Variants in SLC22A11 observed in about 807,000 individuals in gnomAD.
The protein encoded by SLC22A11 is solute carrier family 22 member 11.
SLC22A11 carries 42 observed loss-of-function variants against 49.4 expected under a neutral mutation model. The ratio of observed to expected loss-of-function variants is 0.85; its 90% CI spans 0.66 to 1.10. The LOEUF (loss-of-function observed/expected upper bound fraction) is 1.10, where lower values mean the gene tolerates loss of function less well. Among genes scored for constraint, SLC22A11 ranks in the 50% least tolerant of loss-of-function variants. The pLI, the probability that SLC22A11 is intolerant of heterozygous loss-of-function variation, is 0.00. For missense variants in SLC22A11, 685 were observed against 731.6 expected (o/e 0.94, Z 0.74); for synonymous variants, 304 against 315.8 (o/e 0.96, Z 0.40).
chr11:64,556,544 G>C, intron 1 of SLC22A11, 152 bp downstream of exon 1: 3 of 1,289,248 alleles, frequency 2.3e-6, no homozygotes, highest in Non-Finnish European at 3.2e-6. Context: ...GGGAGTGGGC[G>C]GCAGGGATCA....
In SLC22A11 at chr11:64,562,071, T is replaced by G; in HGVS notation, c.565T>G (p.Phe189Val). Residue 189 changes from phenylalanine to valine, a missense_variant, in exon 3 of 10, where the codon TTC becomes GTC. Transcript: ENST00000301891. This position sits in a 1 kb window ranked among gnomAD's most constrained non-coding sequence, Gnocchi z 4.4. The stretch of plus-strand genomic sequence containing the variant: ...GGCCGTGGCGGGCACCAGCACCATC[T>G]TCGCCCCAACATTCGTCATCTACTG... ...QLAVAGTSTI[F>V]APTFVIYCGL... 2 of 1,613,892 alleles carry G rather than the reference T, an allele frequency of 1.2e-6. No individual in the cohort carries two copies. The highest frequency in any genetic ancestry group is 1.7e-6 in the Non-Finnish European group (2 of 1,180,034).
chr11:64,566,086 G>T (rs1252418050), intron 6 of SLC22A11: 1 of 160,954 alleles, frequency 6.2e-6, no homozygotes, highest in Non-Finnish European at 1.4e-5. Context: ...GAGCCCAGGA[G>T]TTCAAGACCA....
chr11:64,569,908 A>G, intron 9 of SLC22A11, 50 bp downstream of exon 9: 1 of 1,588,186 alleles, frequency 6.3e-7, no homozygotes, highest in Non-Finnish European at 8.6e-7. Flanking sequence ...CTCCTGGGCC[A>G]AGATGGAGAC....
At chr11:64,559,309 C>A in intron 2 of SLC22A11, 71 bp downstream of exon 2, 1 of 1,214,708 alleles carries the variant, frequency 8.2e-7, no homozygotes, top group Non-Finnish European at 1.1e-6. Context: ...GCAGAAGGTT[C>A]AGAAATGTCA....
At chr11:64,563,219 C>T (rs1056746165) in intron 4 of SLC22A11, among the ~76,000 whole-genome samples, 2 of 152,138 alleles carry the variant, frequency 1.3e-5, no homozygotes, top group African/African-American at 4.8e-5. Context: ...ATCCCCGCCA[C>T]GCTGATCAGG....
At position 64,572,169 on chromosome 11, in the gene SLC22A11, A is replaced by T. The variant is rs537859143; in HGVS notation, c.*1127A>T. On this transcript the variant is annotated 3_prime_UTR_variant, in exon 10 of 10. Transcript: ENST00000301891. ...AACTTTCGGCTTTCAACCAAACGGC[A>T]CCCTTTTGCTGTTTGTTTTCTGGAG... 95 of 152,286 alleles carry T rather than the reference A, an allele frequency of 6.2e-4. No individual in the cohort carries two copies. Among genetic ancestry groups the T allele is most frequent in the African/African-American group, 2.2e-3 (92 of 41,558 alleles). The allele number at this position is 152,286 out of a possible 1,614,324, so 9.4% of individuals were successfully genotyped here.
chr11:64,562,360 C>G lies in SLC22A11; in HGVS notation c.746C>G (p.Ala249Gly), dbSNP rs985289019. 4.3e-6 allele frequency: 7 copies of G among 1,610,750 alleles called. No individual in the cohort carries two copies. The highest frequency in any genetic ancestry group is 2.2e-5 in the East Asian group (1 of 44,792). ...GGCCAGGCGGCGCTGGGCGGCCTGG[C>G]CTTTGCCCTGCGGGACTGGAGGACT... ...SAGQAALGGL[A>G]FALRDWRTLQ... Residue 249 changes from alanine (A) to glycine (G), a missense_variant, in exon 4 of 10, where the codon GCC (alanine) becomes GGC (glycine). Transcript: ENST00000301891. This position sits in a 1 kb window ranked among gnomAD's most constrained non-coding sequence, Gnocchi z 4.4.
intron 7 of SLC22A11, 115 bp from the exon 8 acceptor site, chr11:64,568,555 G>T: frequency 3.6e-6 from 3 of 823,738 alleles, no homozygotes; most frequent in Non-Finnish European, 6.2e-6. Flanking sequence ...CAGCAGGGCC[G>T]GGGACTTGTA....
At chr11:64,563,021 A>C (rs1440645533) in intron 4 of SLC22A11, among the ~76,000 whole-genome samples, 2 of 152,136 alleles carry the variant, frequency 1.3e-5, no homozygotes, top group African/African-American at 4.8e-5. Flanking sequence ...AAAAATCCCT[A>C]AGGTCTGGAA....
Position 64,567,812 on chromosome 11 carries a change from A to G in SLC22A11, c.1272A>G (p.Gln424=). ...TTCTAGCCAACATGCTGGTGCCGCA[A>G]GGTGAGGCAGGCGGACTGGGCGGTG... ...LAILANMLVP[Q]DLQTLRVVFA... Residue 424 remains glutamine (Q), a splice_region_variant and synonymous_variant, in exon 7 of 10, where the codon CAA becomes CAG. Transcript: ENST00000301891. The G allele has an allele frequency of 6.3e-7, 1 of 1,582,958 alleles. No individual in the cohort carries two copies.
At chr11:64,561,972 T>C (rs759506186) in intron 2 of SLC22A11, 32 bp from the exon 3 acceptor site, 1 of 1,591,884 alleles carries the variant, frequency 6.3e-7, no homozygotes, top group Non-Finnish European at 8.6e-7. Context: ...GGGGCCCCTC[T>C]CCAGGCCCCG....
rs1484698063 is a variant in SLC22A11 at position 64,559,225 on chromosome 11, C to T, written c.484C>T (p.Leu162Phe). Residue 162 changes from leucine (L) to phenylalanine (F), a missense_variant, in exon 2 of 10, where the codon CTC becomes TTC. By Grantham distance (22) the Leu-to-Phe change is conservative. Transcript: ENST00000301891. Reference sequence around the variant, plus strand: ...CCTGGTGGGCTCCTTTATCTGGGGCCTCCTCTCCTACCGGTGAGTGCCTCC... The same window carrying T: ...CCTGGTGGGCTCCTTTATCTGGGGCTTCCTCTCCTACCGGTGAGTGCCTCC... The part of the protein sequence containing the change: ...GILVGSFIWG[L>F]LSYRFGRKPM... 3.1e-6 allele frequency: 5 copies of T among 1,606,544 alleles called. No individual in the cohort carries two copies. The highest frequency in any genetic ancestry group is 1.3e-5 in the African/African-American group (1 of 74,592).
In SLC22A11 at chr11:64,571,286, C is replaced by T; in HGVS notation, c.*244C>T. On this transcript the variant is annotated 3_prime_UTR_variant, in exon 10 of 10. Transcript: ENST00000301891. ...TACCCGGGCCCTACAGGAGCCTGTG[C>T]AGATGGCCATGCCCAACCAATAACG... 3.8e-6 allele frequency: 2 copies of T among 529,708 alleles called. No individual in the cohort carries two copies. Among genetic ancestry groups the T allele is most frequent in the African/African-American group, 1.9e-5 (1 of 52,520 alleles). The allele number at this position is 529,708 out of a possible 1,614,324, so 32.8% of individuals were successfully genotyped here. A position where few individuals can be genotyped will look rare whatever the true frequency, so the allele number is the denominator to read the frequency against.
rs755181836 is a variant in SLC22A11, at chr11:64,564,980, C to A, written c.943-242C>A. ...GGGGTCGGAGGATAAGGGAAGGCTT[C>A]CAGAAGGAGGCAAGCTAGAGCTGAG... On this transcript the variant is annotated intron_variant, in intron 5 of 9. Transcript: ENST00000301891. This position sits in a 1 kb window ranked among gnomAD's most constrained non-coding sequence, Gnocchi z 4.2. 1.3e-5 allele frequency among the ~76,000 whole-genome samples: 2 copies of A among 152,162 alleles called. No individual in the cohort carries two copies. The highest frequency in any genetic ancestry group is 2.4e-5 in the African/African-American group (1 of 41,432).
chr11:64,559,864 C>A (rs1358235400), intron 2 of SLC22A11, among the ~76,000 whole-genome samples: 1 of 152,200 alleles, frequency 6.6e-6, no homozygotes, highest in Non-Finnish European at 1.5e-5. Context: ...CTGGAAACGT[C>A]TCGTACCAGG....
chr11:64,560,068 C>T (rs111749619), intron 2 of SLC22A11, among the ~76,000 whole-genome samples: 80 of 150,210 alleles, frequency 5.3e-4, no homozygotes, highest in African/African-American at 1.9e-3. Flanking sequence ...CCTTGCCACG[C>T]CCCCTCACTC....
intron 6 of SLC22A11, chr11:64,566,670 A>T (rs757718365): frequency 6.6e-6 from 1 of 152,074 alleles, no homozygotes; most frequent in Non-Finnish European, 1.5e-5. Context: ...AGTGACTCTC[A>T]CGTCACTCAC....
chr11:64,559,678 C>CT (rs60821450), intron 2 of SLC22A11, among the ~76,000 whole-genome samples: 67,684 of 151,590 alleles, frequency 0.45, 16,092 homozygotes, highest in Non-Finnish European at 0.54. Flanking sequence ...AGGGATGCCT[C>CT]AGCAGAAATG....
At chr11:64,568,918 A>G in intron 8 of SLC22A11, 140 bp downstream of exon 8, 1 of 698,502 alleles carries the variant, frequency 1.4e-6, no homozygotes, top group Non-Finnish European at 2.5e-6. Context: ...CTTCCCCTTG[A>G]GAGTCTCGAC....
Sources: gnomAD v4.1 joint callset for allele counts (sites outside exome capture counted in the v4.1 genomes callset) on GRCh38, gnomAD v4.1.1 for gene constraint, Gnocchi (gnomAD v3.1) non-coding constraint, MANE v1.5 for transcripts, NCBI Gene and HGNC (gene_info 2026-07-23, HGNC 2026-07-21) for gene names.